The following GLIPR1L1 variants were observed in gnomAD, a reference collection of about 807,000 sequenced individuals.
GLIPR1L1 encodes the protein GLIPR1-like protein 1.
A neutral mutation model predicts 29.9 loss-of-function variants in GLIPR1L1; 26 were observed. The ratio of observed to expected loss-of-function variants is 0.87; its 90% CI spans 0.64 to 1.21. The LOEUF is 1.21. Among genes scored for constraint, GLIPR1L1 ranks in the 50% most tolerant of loss-of-function variants. The probability of loss-of-function intolerance (pLI) is 0.00; values close to 1 mark genes in which losing one functional copy is unlikely to be tolerated. For missense variants in GLIPR1L1, 305 were observed against 290.3 expected (o/e 1.05, Z -0.37); for synonymous variants, 77 against 97.5 (o/e 0.79, Z 1.24).
intron 3 of GLIPR1L1, among the ~76,000 whole-genome samples, chr12:75,349,259 C>T (rs890870475): frequency 6.6e-6 from 1 of 152,134 alleles, no homozygotes; most frequent in Non-Finnish European, 1.5e-5. Context: ...AATGTAAAAC[C>T]TGAAAGGATC....
At chr12:75,353,341 C>T (rs966936280) in intron 3 of GLIPR1L1, among the ~76,000 whole-genome samples, 15 of 152,140 alleles carry the variant, frequency 9.9e-5, no homozygotes, top group East Asian at 5.8e-4. Context: ...GAAATACAAA[C>T]AACCATCAGA....
In GLIPR1L1 at chr12:75,334,899, C is replaced by A; in HGVS notation, c.171C>A (p.Tyr57Ter). The A allele has an allele frequency of 6.2e-7, 1 of 1,613,318 alleles. No homozygotes were observed. Among genetic ancestry groups the A allele is most frequent in the Non-Finnish European group, 8.5e-7 (1 of 1,179,464 alleles). ...ACCCTCCCGCGGCCGACATGAAATA[C>A]ATGGTGAGAAAGAACCAGGGCTGGG... is the stretch of plus-strand genomic sequence containing the variant. ...KVNPPAADMKYMIWDKGLAKM... is the reference protein window; with the variant it reads ...KVNPPAADMK The change falls in exon 1 of 6, where the codon TAC becomes TAA. Residue 57 changes from tyrosine to a stop codon, truncating the protein, a stop_gained. Transcript: ENST00000378695. LOFTEE classifies it high-confidence loss of function.
intron 1 of GLIPR1L1, among the ~76,000 whole-genome samples, chr12:75,340,946 A>G (rs1305538474): frequency 6.6e-6 from 1 of 152,090 alleles, no homozygotes; most frequent in Non-Finnish European, 1.5e-5. Flanking sequence ...TGGTGAAGAT[A>G]TGGAGAAAAT....
Position 75,370,106 on chromosome 12 carries a change from C to T in GLIPR1L1, c.659C>T (p.Thr220Met), listed in dbSNP as rs533449405. The T allele has an allele frequency of 2.6e-5, 42 of 1,605,266 alleles. No homozygotes were observed. Among genetic ancestry groups the T allele is most frequent in the Middle Eastern group, 1.7e-4 (1 of 6,034 alleles). Residue 220 changes from threonine (T) to methionine (M), a missense_variant, in exon 6 of 6, where the codon ACG becomes ATG. Transcript: ENST00000378695. ...IPNQNPFLKP[T>M]GRAPQQTAFN... ...ACAGAAAATCCATTTCTGAAGCCAA[C>T]GGGGAGAGCACCTCAGCAGACAGCC...
chr12:75,360,873 T>G (rs1012143403), intron 3 of GLIPR1L1: 9 of 152,196 alleles, frequency 5.9e-5, no homozygotes, highest in Non-Finnish European at 1.3e-4. Context: ...CCATATGTCC[T>G]CTGAAATCTA....
At chr12:75,362,333 G>A (rs1474708300) in intron 3 of GLIPR1L1, among the ~76,000 whole-genome samples, 1 of 151,990 alleles carries the variant, frequency 6.6e-6, no homozygotes, top group East Asian at 1.9e-4. Context: ...TATTAGAATG[G>A]CTAGAGAGTG....
intron 3 of GLIPR1L1, among the ~76,000 whole-genome samples, chr12:75,361,182 T>C (rs74108722): frequency 0.054 from 8,270 of 152,002 alleles, 278 homozygotes; most frequent in African/African-American, 0.095. Flanking sequence ...TGTGTGCTGA[T>C]TGGTCTGTTG....
At chr12:75,356,364 A>G (rs920905163) in intron 3 of GLIPR1L1, among the ~76,000 whole-genome samples, 5 of 152,148 alleles carry the variant, frequency 3.3e-5, no homozygotes, top group African/African-American at 1.2e-4. Flanking sequence ...TTCTTATTTA[A>G]TTCTCTTTCA....
chr12:75,358,681 T>C (rs1016240170), intron 3 of GLIPR1L1, among the ~76,000 whole-genome samples: 2 of 147,696 alleles, frequency 1.4e-5, no homozygotes, highest in Admixed American at 6.8e-5. Flanking sequence ...TTGTTACATA[T>C]TTGTGTTTCT....
rs1006071414 is a variant in GLIPR1L1 at position 75,370,309 on chromosome 12, G to A, written c.*133G>A. 2.5e-4 allele frequency: 141 copies of A among 559,502 alleles called. No individual in the cohort carries two copies. Among genetic ancestry groups the A allele is most frequent in the Middle Eastern group, 2.3e-3 (5 of 2,218 alleles). The allele number at this position is 559,502 out of a possible 1,614,324, so 34.7% of individuals were successfully genotyped here. A position where few individuals can be genotyped will look rare whatever the true frequency, so the allele number is the denominator to read the frequency against. On this transcript the variant is annotated 3_prime_UTR_variant, in exon 6 of 6. Coordinates refer to ENST00000378695, the MANE Select transcript of GLIPR1L1 (RefSeq NM_001304964.2). ...TGCCTGATACCTAAATTTAATGTTT[G>A]TTTTTAACTCAAAAAATGTACTGTA...
intron 3 of GLIPR1L1, among the ~76,000 whole-genome samples, chr12:75,348,410 G>C (rs1001911866): frequency 6.6e-6 from 1 of 152,150 alleles, no homozygotes. Context: ...ATATCTCTCT[G>C]TATTTTCTTC....
At chr12:75,359,246 AAG>A (rs1182740695) in intron 3 of GLIPR1L1, among the ~76,000 whole-genome samples, 1 of 151,364 alleles carries the variant, frequency 6.6e-6, no homozygotes, top group Admixed American at 6.6e-5. Flanking sequence ...TGGCAAAAGA[AAG>A]AGACATGTAC....
At chr12:75,366,941 C>A (rs753397003) in intron 4 of GLIPR1L1, 2 of 701,728 alleles carry the variant, frequency 2.9e-6, no homozygotes, top group Non-Finnish European at 5.2e-6. Flanking sequence ...CATTCCCACT[C>A]AGTCCCCAGT....
At chr12:75,360,411 A>T (rs773743768) in intron 3 of GLIPR1L1, 1 of 152,234 alleles carries the variant, frequency 6.6e-6, no homozygotes, top group Non-Finnish European at 1.5e-5. Context: ...CTTCCTAGAT[A>T]CAATGGGGAT....
intron 1 of GLIPR1L1, among the ~76,000 whole-genome samples, chr12:75,338,541 T>A (rs549829527): frequency 1.9e-4 from 29 of 152,286 alleles, no homozygotes; most frequent in African/African-American, 6.5e-4. Context: ...TAGGTTTTTT[T>A]AATAATAGTT....
intron 3 of GLIPR1L1, among the ~76,000 whole-genome samples, chr12:75,349,241 C>T (rs1052187415): frequency 5.9e-5 from 9 of 152,190 alleles, no homozygotes; most frequent in Admixed American, 2.0e-4. Flanking sequence ...ACCCACCTAA[C>T]AATTCATAAT....
rs749795642 is a variant in GLIPR1L1, at chr12:75,367,041, GAC to G, written c.611-2917_611-2916del. On this transcript the variant is annotated intron_variant, in intron 4 of 5. Transcript: ENST00000378695. ...AAGTCTCTCATTTATCTCTAAAAAT[GAC>G]AGTTTAAGTTTCTCACAAAAATGCA... 8.6e-6 allele frequency: 6 copies of G among 700,470 alleles called. No homozygotes were observed. The South Asian group carries it at 8.9e-5, about 10-fold the overall frequency. The allele number at this position is 700,470 out of a possible 1,614,324, so 43.4% of individuals were successfully genotyped here.
intron 3 of GLIPR1L1, among the ~76,000 whole-genome samples, chr12:75,350,114 T>C (rs904599534): frequency 6.6e-6 from 1 of 152,206 alleles, no homozygotes; most frequent in African/African-American, 2.4e-5. Context: ...GCACAGCCAC[T>C]GTGACAGTTT....
At chr12:75,365,598 G>C (rs2043911946) in intron 4 of GLIPR1L1, among the ~76,000 whole-genome samples, 1 of 152,046 alleles carries the variant, frequency 6.6e-6, no homozygotes, top group Non-Finnish European at 1.5e-5. Context: ...TGCCCAGAGA[G>C]TTAATGAATA....
Sources: allele counts gnomAD v4.1 joint callset (sites outside exome capture counted in the v4.1 genomes callset), GRCh38; gene constraint gnomAD v4.1.1; transcripts MANE v1.5; gene names NCBI Gene and HGNC (gene_info 2026-07-23, HGNC 2026-07-21).